TBC1D4: variants seen among roughly 807,000 people sequenced by gnomAD.
TBC1D4 encodes the protein TBC1 domain family member 4.
Under a neutral mutation model 142.5 loss-of-function variants are expected in TBC1D4, and 121 were observed. That is an observed-to-expected ratio of 0.85 (90% CI 0.73 to 0.99). TBC1D4 has a LOEUF of 0.99. Among genes scored for constraint, TBC1D4 ranks in the 50% least tolerant of loss-of-function variants. The probability of loss-of-function intolerance (pLI) is 0.00; values close to 1 mark genes in which losing one functional copy is unlikely to be tolerated. For synonymous variants in TBC1D4, 630 were observed against 628.2 expected (o/e 1.00, Z -0.04); for missense variants, 1,475 against 1,606.6 (o/e 0.92, Z 1.40).
At chr13:75,349,977 T>A (rs1396253646) in intron 4 of TBC1D4, among the ~76,000 whole-genome samples, 12 of 152,226 alleles carry the variant, frequency 7.9e-5, no homozygotes, top group East Asian at 1.9e-4. Flanking sequence ...TAACTTCTTT[T>A]TTGTTCCTCC....
At chr13:75,352,194 T>C (rs1282306603) in intron 4 of TBC1D4, among the ~76,000 whole-genome samples, 1 of 152,206 alleles carries the variant, frequency 6.6e-6, no homozygotes, top group African/African-American at 2.4e-5. Flanking sequence ...CTTCCCACTT[T>C]GCTTGATCCT....
intron 15 of TBC1D4, among the ~76,000 whole-genome samples, chr13:75,305,291 G>A (rs1877060538): frequency 6.6e-6 from 1 of 152,160 alleles, no homozygotes; most frequent in Admixed American, 6.5e-5. Context: ...TTTATCAGCA[G>A]CCTAAAAATG....
chr13:75,452,683 G>C (rs1887578986), intron 1 of TBC1D4, among the ~76,000 whole-genome samples: 1 of 152,124 alleles, frequency 6.6e-6, no homozygotes, highest in African/African-American at 2.4e-5. Flanking sequence ...TTTCAACAAA[G>C]AAACTGGTGA....
intron 3 of TBC1D4, among the ~76,000 whole-genome samples, chr13:75,358,119 C>G (rs539503338): frequency 6.6e-6 from 1 of 152,058 alleles, no homozygotes; most frequent in Admixed American, 6.5e-5. Context: ...GGGATAGGAA[C>G]TGCTTCGGTT....
intron 1 of TBC1D4, among the ~76,000 whole-genome samples, chr13:75,467,840 A>G (rs1409289514): frequency 6.6e-6 from 1 of 152,238 alleles, no homozygotes; most frequent in East Asian, 1.9e-4. Context: ...AAATACATAC[A>G]AGAGCAGTGA....
chr13:75,357,049 C>A (rs926225552), intron 3 of TBC1D4, among the ~76,000 whole-genome samples: 4 of 152,178 alleles, frequency 2.6e-5, no homozygotes, highest in Non-Finnish European at 5.9e-5. Context: ...GTGCTGAAAT[C>A]TTCATTCAAC....
At chr13:75,418,262 C>T (rs1886005954) in intron 1 of TBC1D4, among the ~76,000 whole-genome samples, 1 of 152,018 alleles carries the variant, frequency 6.6e-6, no homozygotes, top group Non-Finnish European at 1.5e-5. Context: ...GGTATTTATT[C>T]TTTCTATTGG....
intron 7 of TBC1D4, among the ~76,000 whole-genome samples, chr13:75,338,833 T>C (rs1566396736): frequency 1.3e-5 from 2 of 152,210 alleles, no homozygotes; most frequent in African/African-American, 4.8e-5. Flanking sequence ...GCTTTCTTTA[T>C]TTCCCGGCTC....
Position 75,286,653 on chromosome 13 carries a change from C to T in TBC1D4, c.*139G>A, listed in dbSNP as rs1874699131. ...CATGCTCTGATGAGCACGAGGTCCA[C>T]CTGCTGTGACTAGGCGCTCAGCACC... On this transcript the variant is annotated 3_prime_UTR_variant, in exon 21 of 21. Transcript: ENST00000377636. The T allele has an allele frequency of 2.4e-6, 2 of 839,604 alleles. No homozygotes were observed. Among genetic ancestry groups the T allele is most frequent in the Admixed American group, 2.1e-5 (1 of 47,220 alleles). 52.0% of individuals were successfully genotyped at this position (839,604 alleles called of 1,614,324 possible). A position where few individuals can be genotyped will look rare whatever the true frequency, so the allele number is the denominator to read the frequency against.
chr13:75,430,745 G>T (rs955693798), intron 1 of TBC1D4, among the ~76,000 whole-genome samples: 1 of 152,082 alleles, frequency 6.6e-6, no homozygotes, highest in African/African-American at 2.4e-5. Flanking sequence ...ATGAACAGTT[G>T]CTCCCTTAAG....
At chr13:75,356,358 T>C in intron 3 of TBC1D4, 107 bp from the exon 4 acceptor site, 1 of 810,428 alleles carries the variant, frequency 1.2e-6, no homozygotes, top group Non-Finnish European at 2.1e-6. Context: ...TCTACGAATT[T>C]CTCCTTCACA....
chr13:75,412,229 C>A (rs1296716260), intron 1 of TBC1D4, among the ~76,000 whole-genome samples: 1 of 152,148 alleles, frequency 6.6e-6, no homozygotes, highest in Non-Finnish European at 1.5e-5. Context: ...AGGTAAGTAA[C>A]CCCTTTATGG....
chr13:75,404,996 AG>A (rs1292760674), intron 1 of TBC1D4, among the ~76,000 whole-genome samples: 1 of 152,176 alleles, frequency 6.6e-6, no homozygotes. Flanking sequence ...TATGTGGGCC[AG>A]GGGTTGAGAA....
intron 12 of TBC1D4, among the ~76,000 whole-genome samples, chr13:75,313,497 T>TA (rs745971349): frequency 4.6e-5 from 7 of 152,182 alleles, no homozygotes; most frequent in Non-Finnish European, 8.8e-5. Context: ...ATGGCTAAGT[T>TA]AAAAAATAGA....
chr13:75,299,332 G>T lies in TBC1D4; in HGVS notation c.3154C>A (p.Gln1052Lys). The T allele has an allele frequency of 6.2e-7, 1 of 1,614,052 alleles. No individual in the cohort carries two copies. Among genetic ancestry groups the T allele is most frequent in the Non-Finnish European group, 8.5e-7 (1 of 1,180,008 alleles). Residue 1052 changes from glutamine (Q) to lysine (K), a missense_variant and splice_region_variant, in exon 17 of 21, where the codon CAG (glutamine) becomes AAG (lysine). Coordinates refer to ENST00000377636, the MANE Select transcript of TBC1D4 (RefSeq NM_014832.5). ...KQYRPDMMSL[Q>K]IQMYQLSRLL... is the part of the protein sequence containing the mutation. The stretch of plus-strand genomic sequence containing the variant: ...CTCGGGAAGCACAAGTGCCTCACCT[G>T]CAGCGACATCATGTCAGGTCTGTAC...
chr13:75,309,315 AC>A (rs2137924850), intron 14 of TBC1D4, among the ~76,000 whole-genome samples: 1 of 152,268 alleles, frequency 6.6e-6, no homozygotes, highest in Admixed American at 6.5e-5. Flanking sequence ...GCAATAAGGC[AC>A]CACAAACAGT....
intron 1 of TBC1D4, among the ~76,000 whole-genome samples, chr13:75,441,770 C>T (rs567349261): frequency 1.8e-4 from 27 of 152,290 alleles, no homozygotes; most frequent in Non-Finnish European, 3.4e-4. Flanking sequence ...CCAGTCCTGC[C>T]AGTAAAATCA....
At chr13:75,340,435 T>C (rs934081619) in intron 7 of TBC1D4, among the ~76,000 whole-genome samples, 1 of 152,232 alleles carries the variant, frequency 6.6e-6, no homozygotes, top group Non-Finnish European at 1.5e-5. Flanking sequence ...ATGATATTAC[T>C]GCTGTTTCAC....
intron 1 of TBC1D4, among the ~76,000 whole-genome samples, chr13:75,446,445 A>C (rs1278254402): frequency 6.6e-6 from 1 of 152,216 alleles, no homozygotes; most frequent in Non-Finnish European, 1.5e-5. Flanking sequence ...CATTAAGGCT[A>C]TTAATAAAAT....
Sources: allele counts gnomAD v4.1 joint callset (sites outside exome capture counted in the v4.1 genomes callset), GRCh38; gene constraint gnomAD v4.1.1; transcripts MANE v1.5; gene names NCBI Gene and HGNC (gene_info 2026-07-23, HGNC 2026-07-21).